Variants in ABCG5 observed in about 807,000 individuals in gnomAD.
ABCG5 encodes ATP-binding cassette sub-family G member 5.
Under a neutral mutation model 64.5 loss-of-function variants are expected in ABCG5, and 64 were observed. The observed-to-expected ratio is 0.99, with a 90% CI of 0.81 to 1.22. ABCG5 has a LOEUF of 1.22. ABCG5 is among the 50% of genes most tolerant of loss of function. The pLI is 0.00. For missense variants in ABCG5, 908 were observed against 829.5 expected, an observed-to-expected ratio of 1.09 and a Z score of -1.16; for synonymous variants, 385 against 326.3, an observed-to-expected ratio of 1.18 and a Z score of -1.94.
At chr2:43,828,591 C>T (rs1411158558) in intron 4 of ABCG5, 2 of 327,662 alleles carry the variant, frequency 6.1e-6, no homozygotes, top group South Asian at 2.5e-5. Flanking sequence ...GATCCCAGGA[C>T]GTTGAGACCA....
At position 43,827,982 on chromosome 2, in the gene ABCG5, C is replaced by T. The variant is rs370368811; in HGVS notation, c.634+1G>A. On this transcript the variant is annotated splice_donor_variant, in intron 5 of 12. Coordinates refer to ENST00000405322, the MANE Select transcript of ABCG5 (RefSeq NM_022436.3). LOFTEE classifies it high-confidence loss of function. ...TAGTAACAGTTCTGGGTGCCACTTA[C>T]TAGGATCCTGGAGCAGCTGGGCTGC... 1 of 1,614,026 alleles carries T rather than the reference C, an allele frequency of 6.2e-7. No homozygotes were observed. The highest frequency in any genetic ancestry group is 1.1e-5 in the South Asian group (1 of 91,050).
chr2:43,812,659 A>G lies in ABCG5; in HGVS notation c.*457T>C, dbSNP rs1666543152. ...CCAGGAACAGAAGCATTCTTACCCA[A>G]TTCTGCATGATAACCTTGCTTCATC... On this transcript the variant is annotated 3_prime_UTR_variant, in exon 13 of 13. Transcript: ENST00000405322. 3 of 193,058 alleles carry G rather than the reference A, an allele frequency of 1.6e-5. No individual in the cohort carries two copies. Among genetic ancestry groups the G allele is most frequent in the African/African-American group, 4.8e-5 (2 of 41,906 alleles). The allele number at this position is 193,058 out of a possible 1,614,324, so 12.0% of individuals were successfully genotyped here.
rs755523464 is a variant in ABCG5 at position 43,822,800 on chromosome 2, T to C, written c.1460A>G (p.Tyr487Cys). The C allele has an allele frequency of 1.2e-5, 20 of 1,614,092 alleles. No individual in the cohort carries two copies. Among genetic ancestry groups the C allele is most frequent in the Non-Finnish European group, 1.7e-5 (20 of 1,180,002 alleles). ...GGTGAACTGAACAACCCCTCACCAGTAGCACACACTGCTGAAAATCATGGT... is the reference window on the plus strand; with the variant it reads ...GGTGAACTGAACAACCCCTCACCAGCAGCACACACTGCTGAAAATCATGGT... ...VATMIFSSVC[Y>C]WTLGLHPEVA... Residue 487 changes from tyrosine (Y) to cysteine (C), a missense_variant, in exon 10 of 13, where the codon TAC (tyrosine) becomes TGC (cysteine). By Grantham distance (194) the Tyr-to-Cys change is radical. Coordinates refer to ENST00000405322, the MANE Select transcript of ABCG5 (RefSeq NM_022436.3).
At chr2:43,812,468 T>C (rs1028823603), downstream of ABCG5, 2 of 152,320 alleles carry the variant, frequency 1.3e-5, no homozygotes, top group Admixed American at 1.3e-4. Context: ...CTGGTGTGCT[T>C]TGTTCACTGT....
At position 43,814,584 on chromosome 2, in the gene ABCG5, A is replaced by G. The variant is rs766184959; in HGVS notation, c.1655T>C (p.Ile552Thr). Reference sequence around the variant, plus strand: ...TTTAAAAGGAATGGGCATTTCTTGTATGTTTCTTAAGAAAAAGAAAACAAA... The same window carrying G: ...TTTAAAAGGAATGGGCATTTCTTGTGTGTTTCTTAAGAAAAAGAAAACAAA... ...VLVGSGFLRNIQEMPIPFKII... is the reference protein window; with the variant it reads ...VLVGSGFLRNTQEMPIPFKII... The change falls in exon 12 of 13, where the codon ATA becomes ACA. Residue 552 changes from isoleucine to threonine, a missense_variant. By Grantham distance (89) the Ile-to-Thr change is moderately conservative. Transcript: ENST00000405322. 1.9e-6 allele frequency: 3 copies of G among 1,578,794 alleles called. No individual in the cohort carries two copies. The highest frequency in any genetic ancestry group is 3.3e-5 in the Admixed American group (2 of 59,818).
chr2:43,824,753 T>A, intron 7 of ABCG5, 136 bp downstream of exon 7: 1 of 1,462,716 alleles, frequency 6.8e-7, no homozygotes, highest in South Asian at 1.3e-5. Context: ...CCCGGCCAAA[T>A]TGATTCCTTG....
chr2:43,829,772 C>T (rs986950553), intron 4 of ABCG5, among the ~76,000 whole-genome samples: 5 of 152,068 alleles, frequency 3.3e-5, no homozygotes, highest in Non-Finnish European at 7.4e-5. Flanking sequence ...GGAAACAAAA[C>T]CATTGCATTA....
chr2:43,834,147 C>A (rs182396276), intron 2 of ABCG5, among the ~76,000 whole-genome samples: 5 of 152,278 alleles, frequency 3.3e-5, no homozygotes, highest in Non-Finnish European at 1.5e-5. Flanking sequence ...GAGGAAAACC[C>A]ATTATAAAGA....
chr2:43,828,156 T>G (rs2104843936), intron 4 of ABCG5, 41 bp from the exon 5 acceptor site: 1 of 1,612,906 alleles, frequency 6.2e-7, no homozygotes, highest in East Asian at 2.2e-5. Flanking sequence ...GGAGTCTCTG[T>G]GGCTGCTATT....
chr2:43,815,046 C>G lies in ABCG5; in HGVS notation c.1650-457G>C, dbSNP rs751613598. On this transcript the variant is annotated intron_variant, in intron 11 of 12. Transcript: ENST00000405322. ...TTTTGGTAAGCACTACTGATATAAACGTACAAGAAAATACAGACCTAACAC... is the reference window on the plus strand; with the variant it reads ...TTTTGGTAAGCACTACTGATATAAAGGTACAAGAAAATACAGACCTAACAC... 2.0e-5 allele frequency among the ~76,000 whole-genome samples: 3 copies of G among 152,078 alleles called. No individual in the cohort carries two copies. The East Asian group carries it at 5.8e-4, about 29-fold the overall frequency.
chr2:43,836,107 T>C (rs1668247160), intron 2 of ABCG5, among the ~76,000 whole-genome samples: 2 of 152,218 alleles, frequency 1.3e-5, no homozygotes, highest in African/African-American at 4.8e-5. Context: ...TGGCTAATTT[T>C]TTTTTTGCAT....
Position 43,828,067 on chromosome 2 carries a change from G to T in ABCG5, c.550C>A (p.Leu184Met), listed in dbSNP as rs762951266. Residue 184 changes from leucine (L) to methionine (M), a missense_variant, in exon 5 of 13, where the codon CTG becomes ATG. By Grantham distance (15) the Leu-to-Met change is conservative (BLOSUM62 2). Coordinates refer to ENST00000405322, the MANE Select transcript of ABCG5 (RefSeq NM_022436.3). ...CCCCCCAAGCTGTAGTTGCCAATCA[G>T]TCGGTCTGCCACATGGCTCAGACTC... is the stretch of plus-strand genomic sequence containing the variant. ...ELSLSHVADR[L>M]IGNYSLGGIS... 6.2e-7 allele frequency: 1 copy of T among 1,614,108 alleles called. No individual in the cohort carries two copies. The highest frequency in any genetic ancestry group is 1.1e-5 in the South Asian group (1 of 91,076).
chr2:43,832,640 G>C (rs565833751), intron 2 of ABCG5: 1 of 163,678 alleles, frequency 6.1e-6, no homozygotes, highest in African/African-American at 2.4e-5. Flanking sequence ...TGCTTCAGTC[G>C]AGTTTGAGAA....
At chr2:43,820,240 G>C in intron 10 of ABCG5, 140 bp from the exon 11 acceptor site, 1 of 996,746 alleles carries the variant, frequency 1.0e-6, no homozygotes, top group South Asian at 1.5e-5. Flanking sequence ...CCTTTGAAAG[G>C]CCGTTTTGGA....
chr2:43,825,718 T>C (rs1331582123), intron 6 of ABCG5, among the ~76,000 whole-genome samples: 2 of 152,042 alleles, frequency 1.3e-5, no homozygotes. Context: ...GCGATTCTCC[T>C]GCCTCAGCTT....
chr2:43,808,573 C>T (rs1378229375), downstream of ABCG5, among the ~76,000 whole-genome samples: 2 of 152,186 alleles, frequency 1.3e-5, no homozygotes, highest in African/African-American at 2.4e-5. Context: ...GTCCCTTTTA[C>T]ATGTCAGTTG....
At position 43,824,871 on chromosome 2, in the gene ABCG5, T is replaced by C. The variant is rs1667491767; in HGVS notation, c.904+18A>G. ...TTTAAAAAACATTCATGATGGGGAA[T>C]GTGAAAGAAAAACTTACTATAGAAG... On this transcript the variant is annotated intron_variant, in intron 7 of 12. Transcript: ENST00000405322. The C allele has an allele frequency of 6.2e-7, 1 of 1,613,438 alleles. No individual in the cohort carries two copies.
chr2:43,810,305 C>T (rs1474669369), downstream of ABCG5: 3 of 950,062 alleles, frequency 3.2e-6, no homozygotes, highest in African/African-American at 1.8e-5. Flanking sequence ...TGGAATGGGG[C>T]ATTTTTAATC....
Position 43,823,960 on chromosome 2 carries a change from A to G in ABCG5, c.1277T>C (p.Phe426Ser), listed in dbSNP as rs772415178. ...GCCTGTGTACGGGGTGGCGCCCACAAACTGGTAAAGGAGACCTACGCGGTC... is the reference window on the plus strand; with the variant it reads ...GCCTGTGTACGGGGTGGCGCCCACAGACTGGTAAAGGAGACCTACGCGGTC... Reference protein sequence around the residue: ...IQDRVGLLYQFVGATPYTGML... With the variant: ...IQDRVGLLYQSVGATPYTGML... The change falls in exon 9 of 13, where the codon TTT (phenylalanine) becomes TCT (serine). Residue 426 changes from phenylalanine to serine, a missense_variant. Phe to Ser is a radical substitution (Grantham distance 155). Coordinates refer to ENST00000405322, the MANE Select transcript of ABCG5 (RefSeq NM_022436.3). 1.2e-6 allele frequency: 2 copies of G among 1,614,212 alleles called. No homozygotes were observed. Among genetic ancestry groups the G allele is most frequent in the East Asian group, 4.5e-5 (2 of 44,886 alleles).
Sources: gnomAD v4.1 joint callset for allele counts (sites outside exome capture counted in the v4.1 genomes callset) on GRCh38, gnomAD v4.1.1 for gene constraint, MANE v1.5 for transcripts, NCBI Gene and HGNC (gene_info 2026-07-23, HGNC 2026-07-21) for gene names.